The following CTNNA2 variants were observed in gnomAD, a reference collection of about 807,000 sequenced individuals.
CTNNA2 encodes catenin alpha-2.
CTNNA2 carries 42 observed loss-of-function variants against 101.0 expected under a neutral mutation model. That is an observed-to-expected ratio of 0.42 (90% confidence interval 0.32 to 0.54). The LOEUF is 0.54. Among genes scored for constraint, CTNNA2 ranks in the 20% least tolerant of loss-of-function variants. The pLI, the probability that CTNNA2 is intolerant of heterozygous loss-of-function variation, is 0.14. For synonymous variants in CTNNA2, 450 were observed against 456.4 expected, an observed-to-expected ratio of 0.99 and a Z score of 0.18; for missense variants, 871 against 1,223.1, an observed-to-expected ratio of 0.71 and a Z score of 4.29.
chr2:79,520,734 T>G lies in CTNNA2; in HGVS notation c.-6+7527T>G, dbSNP rs144126107. ...AAATATCTAATGAGCACATGATAAC[T>G]CTATAATTCACCGAAATAATTAAAT... On this transcript the variant is annotated intron_variant, in intron 1 of 18. Coordinates refer to ENST00000402739, the MANE Select transcript of CTNNA2 (RefSeq NM_001282597.3). 2.8e-3 allele frequency among the ~76,000 whole-genome samples: 420 copies of G among 152,218 alleles called. 4 individuals carry two copies. Among genetic ancestry groups the G allele is most frequent in the African/African-American group, 9.6e-3 (400 of 41,532 alleles).
chr2:79,774,927 T>C (rs758948634), intron 3 of CTNNA2, among the ~76,000 whole-genome samples: 6 of 152,226 alleles, frequency 3.9e-5, no homozygotes, highest in Non-Finnish European at 8.8e-5. Context: ...GTTCCTATAT[T>C]GCAGATTGCG....
chr2:80,525,470 T>A (rs1434236174), intron 9 of CTNNA2, among the ~76,000 whole-genome samples: 1 of 152,096 alleles, frequency 6.6e-6, no homozygotes, highest in Non-Finnish European at 1.5e-5. Context: ...CGACTCTGAA[T>A]CTGATTTGGC....
rs571460485 is a variant in CTNNA2 at position 80,538,355 on chromosome 2, T to G, written c.1291-6627T>G. ...TTTTCTTCTAGGGTTTTTATGGTTT[T>G]GGGTTTTACATTTAAGTCTTTAATC... On this transcript the variant is annotated intron_variant, in intron 9 of 18. Coordinates refer to ENST00000402739, the MANE Select transcript of CTNNA2 (RefSeq NM_001282597.3). Among the ~76,000 whole-genome samples the G allele has an allele frequency of 2.3e-3, 350 of 152,294 alleles. 2 individuals are homozygous for G. The highest frequency in any genetic ancestry group is 6.8e-3 in the African/African-American group (284 of 41,574).
chr2:80,240,329 C>A (rs1340524003), intron 7 of CTNNA2, among the ~76,000 whole-genome samples: 1 of 152,204 alleles, frequency 6.6e-6, no homozygotes, highest in Non-Finnish European at 1.5e-5. Flanking sequence ...TTGAACTCAA[C>A]CCAGATTTGA....
At chr2:80,545,870 G>A (rs1281283366) in intron 10 of CTNNA2, 37 bp from the exon 11 acceptor site, 2 of 1,604,402 alleles carry the variant, frequency 1.2e-6, no homozygotes, top group Non-Finnish European at 1.7e-6. Flanking sequence ...TTTGAAGTGT[G>A]TGGTCATCAT....
At chr2:80,628,818 C>T (rs753893164) in intron 18 of CTNNA2, among the ~76,000 whole-genome samples, 8 of 151,880 alleles carry the variant, frequency 5.3e-5, no homozygotes, top group East Asian at 2.0e-4. Context: ...TTGAGTGGCA[C>T]GATGATCCCC....
intron 2 of CTNNA2, among the ~76,000 whole-genome samples, chr2:79,263,332 A>G (rs1308048790): frequency 6.6e-6 from 1 of 152,108 alleles, no homozygotes; most frequent in Non-Finnish European, 1.5e-5. Flanking sequence ...TTGCTCTGAA[A>G]TAATGAGACA....
chr2:80,456,665 A>G (rs1269856370), intron 9 of CTNNA2, among the ~76,000 whole-genome samples: 2 of 152,216 alleles, frequency 1.3e-5, no homozygotes, highest in Non-Finnish European at 2.9e-5. Context: ...CAGGCAATGC[A>G]TTTTAGCTAC....
At chr2:79,429,116 T>C (rs560394173) in intron 4 of CTNNA2, among the ~76,000 whole-genome samples, 38 of 152,308 alleles carry the variant, frequency 2.5e-4, no homozygotes, top group Admixed American at 9.2e-4. Context: ...ACTATCAAGC[T>C]AGAACAACTA....
rs184018704 is a variant in CTNNA2, at chr2:80,469,083, G to A, written c.1290+49482G>A. Among the ~76,000 whole-genome samples the A allele has an allele frequency of 2.5e-4, 38 of 152,226 alleles. 1 individual carries two copies. In the East Asian group the frequency reaches 6.6e-3, roughly 26 times the overall value. ...AAGATTTGCTGTTTGTGTGGTGGTG[G>A]TGTGACGGCTTATAGGGGTCTTACT... On this transcript the variant is annotated intron_variant, in intron 9 of 18. Transcript: ENST00000402739.
chr2:80,555,485 A>G (rs1431540097), intron 11 of CTNNA2, among the ~76,000 whole-genome samples: 17 of 152,234 alleles, frequency 1.1e-4, no homozygotes, highest in African/African-American at 7.2e-5. Flanking sequence ...CTAGCGATCT[A>G]TGTGATGCTA....
intron 3 of CTNNA2, among the ~76,000 whole-genome samples, chr2:79,831,598 T>G (rs1231138508): frequency 6.6e-6 from 1 of 152,164 alleles, no homozygotes; most frequent in Non-Finnish European, 1.5e-5. Context: ...ATAACTCATT[T>G]GGGTAGTGCT....
chr2:80,029,466 A>T (rs1411948303), intron 7 of CTNNA2: 1 of 152,154 alleles, frequency 6.6e-6, no homozygotes, highest in East Asian at 1.9e-4. Context: ...GAGGTCTCCT[A>T]GCTTCACGAC....
chr2:80,290,725 A>G (rs766316081), intron 7 of CTNNA2, among the ~76,000 whole-genome samples: 4 of 152,096 alleles, frequency 2.6e-5, no homozygotes, highest in Admixed American at 1.3e-4. Context: ...TCACCCACAT[A>G]AGAAACAATG....
chr2:80,339,338 G>T (rs1483930900), intron 7 of CTNNA2, among the ~76,000 whole-genome samples: 2 of 152,136 alleles, frequency 1.3e-5, no homozygotes, highest in African/African-American at 4.8e-5. Flanking sequence ...CACTGACCTA[G>T]AAAGGGTATT....
chr2:80,095,505 A>G (rs1700088427), intron 7 of CTNNA2, among the ~76,000 whole-genome samples: 2 of 152,324 alleles, frequency 1.3e-5, no homozygotes, highest in African/African-American at 2.4e-5. Context: ...TATCAGGATG[A>G]TGCTGGCCTC....
In CTNNA2 at chr2:79,282,342, G is replaced by C. The variant is rs189888288; in HGVS notation, c.-405-30367G>C. Among the ~76,000 whole-genome samples, 854 of 151,960 alleles carry C rather than the reference G, an allele frequency of 5.6e-3. 13 individuals carry two copies. The highest frequency in any genetic ancestry group is 0.019 in the African/African-American group (791 of 41,438). On this transcript the variant is annotated intron_variant, in intron 2 of 21. Coordinates refer to the CTNNA2 transcript ENST00000466387. Reference sequence around the variant, plus strand: ...TACATATGTATACATGTGCCATGCTGGTGCGCTGCACCCACTAACTCATCA... The same window carrying C: ...TACATATGTATACATGTGCCATGCTCGTGCGCTGCACCCACTAACTCATCA...
intron 1 of CTNNA2, among the ~76,000 whole-genome samples, chr2:79,625,408 G>A (rs1338198629): frequency 6.6e-6 from 1 of 152,098 alleles, no homozygotes; most frequent in Non-Finnish European, 1.5e-5. Flanking sequence ...ATATTAGGGG[G>A]CTGGGAAATC....
chr2:80,117,679 T>C (rs1464146219), intron 7 of CTNNA2, among the ~76,000 whole-genome samples: 2 of 152,050 alleles, frequency 1.3e-5, no homozygotes, highest in Admixed American at 6.5e-5. Context: ...ATCTGGGGCA[T>C]TGAAAAGCAG....
Sources: gnomAD v4.1 joint callset for allele counts (sites outside exome capture counted in the v4.1 genomes callset) on GRCh38, gnomAD v4.1.1 for gene constraint, MANE v1.5 for transcripts, NCBI Gene and HGNC (gene_info 2026-07-23, HGNC 2026-07-21) for gene names.